AKAP7: variants seen among roughly 807,000 people sequenced by gnomAD.
The protein encoded by AKAP7 is A-kinase anchoring protein 7.
Under a neutral mutation model 39.5 loss-of-function variants are expected in AKAP7, and 39 were observed. The observed-to-expected ratio is 0.99, with a 90% CI of 0.76 to 1.29. The LOEUF is 1.29. AKAP7 is among the 50% of genes most tolerant of loss of function. The pLI is 0.00. For synonymous variants in AKAP7, 140 were observed against 139.1 expected (o/e 1.01, Z -0.05); for missense variants, 414 against 407.7 (o/e 1.02, Z -0.13).
At chr6:131,233,736 A>G (rs1440130464) in intron 7 of AKAP7, among the ~76,000 whole-genome samples, 2 of 152,220 alleles carry the variant, frequency 1.3e-5, no homozygotes, top group African/African-American at 2.4e-5. Context: ...GATTTGTAAA[A>G]TACCTTTACT....
chr6:131,241,613 G>GTATATATACGTATATATATATA (rs1444377533), intron 7 of AKAP7, among the ~76,000 whole-genome samples: 32 of 102,442 alleles, frequency 3.1e-4, no homozygotes, highest in African/African-American at 1.0e-3. Context: ...GTGTGTGTGT[G>GTATATATACGTATATATATATA]TGTGTGTGTG....
chr6:131,194,519 C>A (rs1806725888), intron 5 of AKAP7, among the ~76,000 whole-genome samples: 1 of 152,052 alleles, frequency 6.6e-6, no homozygotes, highest in Admixed American at 6.6e-5. Flanking sequence ...TTGGATGAAA[C>A]ATTCTGTAAA....
intron 7 of AKAP7, among the ~76,000 whole-genome samples, chr6:131,234,882 TTTTTA>T (rs1374612392): frequency 6.6e-6 from 1 of 151,924 alleles, no homozygotes; most frequent in East Asian, 1.9e-4. Context: ...ATCAGTGATT[TTTTTA>T]TTTTATTTTT....
intron 5 of AKAP7, among the ~76,000 whole-genome samples, chr6:131,171,705 C>G (rs747555438): frequency 6.6e-5 from 10 of 152,120 alleles, no homozygotes; most frequent in Non-Finnish European, 1.5e-4. Context: ...TGGTACTAAT[C>G]TGTGATCTTC....
chr6:131,187,226 C>T (rs1805953199), intron 5 of AKAP7, among the ~76,000 whole-genome samples: 1 of 152,100 alleles, frequency 6.6e-6, no homozygotes, highest in Admixed American at 6.5e-5. Context: ...GGCATTTTAA[C>T]AATATGTTGT....
chr6:131,241,643 G>A (rs1309368481), intron 7 of AKAP7, among the ~76,000 whole-genome samples: 10 of 98,606 alleles, frequency 1.0e-4, no homozygotes, highest in Admixed American at 3.5e-4. Flanking sequence ...ATATATGACA[G>A]TTATAGGATT....
At chr6:131,255,496 A>G (rs1217520632) in intron 7 of AKAP7, among the ~76,000 whole-genome samples, 1 of 152,202 alleles carries the variant, frequency 6.6e-6, no homozygotes, top group Non-Finnish European at 1.5e-5. Flanking sequence ...CCATCAAAGG[A>G]CAGTGACACT....
chr6:131,259,733 T>C (rs1813151132), intron 7 of AKAP7, among the ~76,000 whole-genome samples: 1 of 152,186 alleles, frequency 6.6e-6, no homozygotes, highest in African/African-American at 2.4e-5. Flanking sequence ...TGAGAGAAGA[T>C]TTTTTAAGGC....
intron 5 of AKAP7, among the ~76,000 whole-genome samples, chr6:131,182,343 A>C (rs937791286): frequency 2.6e-5 from 4 of 152,160 alleles, no homozygotes; most frequent in African/African-American, 9.6e-5. Context: ...CCACCATTCT[A>C]CTTTCTGTCT....
chr6:131,172,909 C>A (rs1053407444), intron 5 of AKAP7, among the ~76,000 whole-genome samples: 3 of 152,026 alleles, frequency 2.0e-5, no homozygotes, highest in Non-Finnish European at 4.4e-5. Flanking sequence ...AGAAAAAATT[C>A]TTTTTGGCTG....
chr6:131,276,997 C>G (rs1638386958), intron 7 of AKAP7, among the ~76,000 whole-genome samples: 1 of 152,090 alleles, frequency 6.6e-6, no homozygotes, highest in Non-Finnish European at 1.5e-5. Context: ...ATTTTTGCTA[C>G]CACAAAGGAG....
intron 2 of AKAP7, among the ~76,000 whole-genome samples, chr6:131,157,683 C>T (rs577516141): frequency 6.6e-6 from 1 of 152,198 alleles, no homozygotes; most frequent in African/African-American, 2.4e-5. Flanking sequence ...TCTTATAACA[C>T]AGATAAAAAT....
intron 7 of AKAP7, among the ~76,000 whole-genome samples, chr6:131,246,556 A>G (rs193010257): frequency 1.1e-3 from 163 of 152,278 alleles, no homozygotes; most frequent in African/African-American, 3.8e-3. Flanking sequence ...ATGTTTGTGA[A>G]TGGTCCAAGT....
At position 131,253,138 on chromosome 6, in the gene AKAP7, T is replaced by C. The variant is rs113245590; in HGVS notation, c.851-28392T>C. ...TCAAGTGACCCCTCCCCTCTCCTGC[T>C]GCTATTTTATCCTGCTTTTGCCGTT... On this transcript the variant is annotated intron_variant, in intron 7 of 7. Coordinates refer to ENST00000431975, the MANE Select transcript of AKAP7 (RefSeq NM_016377.4). 3.6e-5 allele frequency: 57 copies of C among 1,592,328 alleles called. No individual in the cohort carries two copies. In the African/African-American group the frequency reaches 4.6e-4, roughly 13 times the overall value.
Position 131,241,627 on chromosome 6 carries a change from G to GTGTGTA in AKAP7, c.850+21820_850+21821insGTGTAT. On this transcript the variant is annotated intron_variant, in intron 7 of 7. Coordinates refer to ENST00000431975, the MANE Select transcript of AKAP7 (RefSeq NM_016377.4). The stretch of plus-strand genomic sequence containing the variant: ...TGTGTGTGTGTGTGTGTGTGTGTGT[G>GTGTGTA]TATATATATATGACAGTTATAGGAT... Among the ~76,000 whole-genome samples the GTGTGTA allele has an allele frequency of 2.4e-4, 21 of 86,636 alleles. 1 individual carries two copies. Among genetic ancestry groups the GTGTGTA allele is most frequent in the East Asian group, 9.3e-4 (3 of 3,236 alleles). The allele number at this position is 86,636 out of a possible 152,430, so 56.8% of individuals were successfully genotyped here.
chr6:131,184,949 C>T (rs1805680765), intron 5 of AKAP7: 2 of 797,742 alleles, frequency 2.5e-6, no homozygotes, highest in Non-Finnish European at 4.6e-6. Context: ...TGGATTACCC[C>T]TTTCCCCGAT....
chr6:131,262,935 G>A (rs1185768526), intron 7 of AKAP7, among the ~76,000 whole-genome samples: 2 of 152,188 alleles, frequency 1.3e-5, no homozygotes, highest in Non-Finnish European at 2.9e-5. Context: ...TAGCATTTGA[G>A]AATAATAAGC....
intron 6 of AKAP7, among the ~76,000 whole-genome samples, chr6:131,207,884 T>C (rs1808280911): frequency 1.3e-5 from 2 of 152,184 alleles, no homozygotes; most frequent in Non-Finnish European, 2.9e-5. Context: ...TGAACCTTGA[T>C]TATTCCAGAC....
At chr6:131,203,494 C>T (rs947245636) in intron 6 of AKAP7, among the ~76,000 whole-genome samples, 6 of 151,898 alleles carry the variant, frequency 4.0e-5, no homozygotes, top group East Asian at 1.9e-4. Context: ...ACTCATTTCA[C>T]GTATGTTATT....
Sources: allele counts gnomAD v4.1 joint callset (sites outside exome capture counted in the v4.1 genomes callset), GRCh38; gene constraint gnomAD v4.1.1; transcripts MANE v1.5; gene names NCBI Gene and HGNC (gene_info 2026-07-23, HGNC 2026-07-21).